PPP4R1: variants seen among roughly 807,000 people sequenced by gnomAD.
PPP4R1 encodes protein phosphatase 4 regulatory subunit 1, also known as serine/threonine-protein phosphatase 4 regulatory subunit 1.
PPP4R1 carries 42 observed loss-of-function variants against 111.2 expected under a neutral mutation model. The ratio of observed to expected loss-of-function variants is 0.38; its 90% CI spans 0.29 to 0.49. The LOEUF (loss-of-function observed/expected upper bound fraction) is 0.49. PPP4R1 is among the 20% of genes least tolerant of loss of function. PPP4R1 has a pLI of 0.97. For synonymous variants in PPP4R1, 409 were observed against 405.5 expected, an observed-to-expected ratio of 1.01 and a Z score of -0.10; for missense variants, 1,012 against 1,161.6, an observed-to-expected ratio of 0.87 and a Z score of 1.87.
intron 9 of PPP4R1, among the ~76,000 whole-genome samples, chr18:9,579,984 T>C (rs1355167495): frequency 6.6e-6 from 1 of 152,202 alleles, no homozygotes; most frequent in Non-Finnish European, 1.5e-5. Context: ...AACTAATGCA[T>C]GTTACCAATC....
chr18:9,579,009 G>A (rs2066983430), intron 9 of PPP4R1, among the ~76,000 whole-genome samples: 1 of 152,152 alleles, frequency 6.6e-6, no homozygotes, highest in Non-Finnish European at 1.5e-5. Flanking sequence ...GGAGGAGAGA[G>A]ATCACAGTGT....
At position 9,584,707 on chromosome 18, in the gene PPP4R1, C is replaced by A. The variant is rs560819532; in HGVS notation, c.693+14G>T. The A allele has an allele frequency of 6.2e-6, 10 of 1,611,252 alleles. No individual in the cohort carries two copies. Among genetic ancestry groups the A allele is most frequent in the African/African-American group, 1.3e-5 (1 of 74,914 alleles). ...ATGTTCTTAAACAGCAGAAAAAAAA[C>A]GACAAAAAAATACCTTTCGAACGTG... On this transcript the variant is annotated intron_variant, in intron 7 of 19. Transcript: ENST00000400556.
intron 15 of PPP4R1, among the ~76,000 whole-genome samples, chr18:9,556,330 C>T (rs2066584640): frequency 6.6e-6 from 1 of 151,724 alleles, no homozygotes; most frequent in African/African-American, 2.4e-5. Flanking sequence ...GTGGCTGAGA[C>T]TACAGGTGCC....
chr18:9,597,059 G>C (rs1395649566), intron 2 of PPP4R1, among the ~76,000 whole-genome samples: 1 of 152,128 alleles, frequency 6.6e-6, no homozygotes, highest in Non-Finnish European at 1.5e-5. Context: ...TTTGAGCACG[G>C]GAGGTCGAGG....
chr18:9,557,166 T>C, intron 15 of PPP4R1, 55 bp downstream of exon 15: 5 of 1,471,700 alleles, frequency 3.4e-6, no homozygotes, highest in Non-Finnish European at 4.6e-6. Flanking sequence ...AAGATAAAGA[T>C]TTAGATTACG....
In PPP4R1 at chr18:9,584,545, T is replaced by C. The variant is rs1334134060; in HGVS notation, c.729A>G (p.Val243=). ...CAANFGDICS[V]VGQQATEEML... is the part of the protein sequence containing the mutation. ...TTTCTTCAGTAGCTTGCTGGCCAAC[T>C]ACACTGCAAATATCTCCAAAATTGG... Residue 243 remains valine, a synonymous_variant, in exon 8 of 20, where the codon GTA becomes GTG. Transcript: ENST00000400556. 1 of 1,613,510 alleles carries C rather than the reference T, an allele frequency of 6.2e-7. No individual in the cohort carries two copies. The highest frequency in any genetic ancestry group is 1.7e-5 in the Admixed American group (1 of 59,880).
At position 9,553,351 on chromosome 18, in the gene PPP4R1, TCTA is replaced by T; in HGVS notation, c.2259_2261del (p.Ser753del). 6.2e-7 allele frequency: 1 copy of T among 1,600,242 alleles called. No homozygotes were observed. Among genetic ancestry groups the T allele is most frequent in the South Asian group, 1.1e-5 (1 of 90,786 alleles). On this transcript the variant is annotated inframe_deletion, in exon 16 of 20. Coordinates refer to ENST00000400556, the MANE Select transcript of PPP4R1 (RefSeq NM_001042388.3). Reference sequence around the variant, plus strand: ...CCAGTTCAGCTCGAAACCGCCAATTTCTACTATTATCTGTCACCAAAAACTCCT... The same window carrying T: ...CCAGTTCAGCTCGAAACCGCCAATTTCTATTATCTGTCACCAAAAACTCCT...
Position 9,570,570 on chromosome 18 carries a change from G to T in PPP4R1, c.1160C>A (p.Ala387Asp), listed in dbSNP as rs1240409197. The T allele has an allele frequency of 6.2e-7, 1 of 1,614,176 alleles. No homozygotes were observed. The highest frequency in any genetic ancestry group is 1.7e-5 in the Admixed American group (1 of 60,018). Residue 387 changes from alanine to aspartate, a missense_variant, in exon 11 of 20, where the codon GCT (alanine) becomes GAT (aspartate). Transcript: ENST00000400556. ...TAGAGGCTTCCCGGATGCCTCAGCA[G>T]CATGGTCTTCCATCGTGTTTTCCAG... is the stretch of plus-strand genomic sequence containing the variant. The part of the protein sequence containing the change: ...VILENTMEDH[A>D]AEASGKPLGE...
At chr18:9,611,656 C>T (rs535495211) in intron 2 of PPP4R1, among the ~76,000 whole-genome samples, 1 of 152,238 alleles carries the variant, frequency 6.6e-6, no homozygotes, top group Non-Finnish European at 1.5e-5. Context: ...ATGCAAATAA[C>T]TATTGTGCCT....
At chr18:9,569,112 C>T (rs1317284286) in intron 11 of PPP4R1, among the ~76,000 whole-genome samples, 1 of 149,590 alleles carries the variant, frequency 6.7e-6, no homozygotes, top group Non-Finnish European at 1.5e-5. Flanking sequence ...AGGAGAATTG[C>T]TTGAACCAGA....
chr18:9,576,733 T>C lies in PPP4R1; in HGVS notation c.1046+331A>G, dbSNP rs374475786. On this transcript the variant is annotated intron_variant, in intron 10 of 19. Coordinates refer to ENST00000400556, the MANE Select transcript of PPP4R1 (RefSeq NM_001042388.3). ...TGTGTAACAATTACCCTGTATATTG[T>C]AGATATCAATGAATGATTGACTAAA... Among the ~76,000 whole-genome samples the C allele has an allele frequency of 8.8e-4, 109 of 123,494 alleles. No homozygotes were observed. The East Asian group carries it at 0.012, about 14-fold the overall frequency. 81.0% of individuals were successfully genotyped at this position (123,494 alleles called of 152,430 possible).
At chr18:9,585,412 A>G (rs2067099785) in intron 6 of PPP4R1, among the ~76,000 whole-genome samples, 2 of 152,222 alleles carry the variant, frequency 1.3e-5, no homozygotes, top group Non-Finnish European at 2.9e-5. Context: ...CAGTTAACAC[A>G]ATAGGAGGCA....
At chr18:9,600,967 A>T (rs1312249287) in intron 2 of PPP4R1, among the ~76,000 whole-genome samples, 1 of 152,202 alleles carries the variant, frequency 6.6e-6, no homozygotes, top group Non-Finnish European at 1.5e-5. Flanking sequence ...AGAAATGGAG[A>T]CATTAGTACT....
At chr18:9,579,124 C>T (rs1016932329) in intron 9 of PPP4R1, among the ~76,000 whole-genome samples, 1 of 152,154 alleles carries the variant, frequency 6.6e-6, no homozygotes, top group African/African-American at 2.4e-5. Flanking sequence ...CCTATAGTTA[C>T]AATGAAATCA....
rs140066181 is a variant in PPP4R1 at position 9,602,764 on chromosome 18, C to T, written c.53-7611G>A. On this transcript the variant is annotated intron_variant, in intron 2 of 19. Transcript: ENST00000400556. Reference sequence around the variant, plus strand: ...TCAAACCAGGAGAAGGAAGTTGCAGCGAGCTGAAATCGCGCCACTGCACTC... The same window carrying T: ...TCAAACCAGGAGAAGGAAGTTGCAGTGAGCTGAAATCGCGCCACTGCACTC... 5.4e-5 allele frequency among the ~76,000 whole-genome samples: 8 copies of T among 149,112 alleles called. No individual in the cohort carries two copies. The East Asian group carries it at 1.4e-3, about 26-fold the overall frequency.
At position 9,595,018 on chromosome 18, in the gene PPP4R1, C is replaced by T; in HGVS notation, c.188G>A (p.Arg63Lys). ...KYAASENIFNRQMVARSLLDT... is the reference protein window; with the variant it reads ...KYAASENIFNKQMVARSLLDT... ...TTTAACAAAAAGAATATGCACATAC[C>T]TGTTAAATATGTTCTCACTTGCAGC... The change falls in exon 3 of 20, where the codon AGA becomes AAA. Residue 63 changes from arginine to lysine, a missense_variant and splice_region_variant. By Grantham distance (26) the Arg-to-Lys change is conservative (BLOSUM62 2). Coordinates refer to ENST00000400556, the MANE Select transcript of PPP4R1 (RefSeq NM_001042388.3). The T allele has an allele frequency of 6.2e-7, 1 of 1,613,586 alleles. No individual in the cohort carries two copies. The highest frequency in any genetic ancestry group is 8.5e-7 in the Non-Finnish European group (1 of 1,179,828).
At chr18:9,587,059 C>A (rs1281913214) in intron 6 of PPP4R1, among the ~76,000 whole-genome samples, 3 of 152,194 alleles carry the variant, frequency 2.0e-5, no homozygotes, top group Non-Finnish European at 4.4e-5. Context: ...ATCCTTCCCA[C>A]AAAGACCATA....
chr18:9,588,935 G>A (rs981214979), intron 4 of PPP4R1, 82 bp from the exon 5 acceptor site: 3 of 1,493,964 alleles, frequency 2.0e-6, no homozygotes, highest in African/African-American at 2.8e-5. Flanking sequence ...TACTTAGGAA[G>A]GCTATGGACT....
chr18:9,547,344 T>C lies in PPP4R1; in HGVS notation c.*445A>G, dbSNP rs1335842444. 6.2e-6 allele frequency: 1 copy of C among 161,340 alleles called. No individual in the cohort carries two copies. Among genetic ancestry groups the C allele is most frequent in the Admixed American group, 6.0e-5 (1 of 16,674 alleles). The allele number at this position is 161,340 out of a possible 1,614,324, so 10.0% of individuals were successfully genotyped here. The stretch of plus-strand genomic sequence containing the variant: ...GCAAGTCCTTCCTGGGAGAGAAGAG[T>C]TAGGGCTGATACTGAAGGTCTCTTT... On this transcript the variant is annotated 3_prime_UTR_variant, in exon 20 of 20. Coordinates refer to ENST00000400556, the MANE Select transcript of PPP4R1 (RefSeq NM_001042388.3).
Sources: allele counts gnomAD v4.1 joint callset (sites outside exome capture counted in the v4.1 genomes callset), GRCh38; gene constraint gnomAD v4.1.1; transcripts MANE v1.5; gene names NCBI Gene and HGNC (gene_info 2026-07-23, HGNC 2026-07-21).